Variants in SEMA3A observed in about 807,000 individuals in gnomAD.
SEMA3A encodes the protein semaphorin-3A.
In SEMA3A, 29 loss-of-function variants were observed where a neutral mutation model predicts 97.9. That is an observed-to-expected ratio of 0.30 (90% CI 0.22 to 0.40). The LOEUF (loss-of-function observed/expected upper bound fraction) is 0.40, where lower values mean the gene tolerates loss of function less well. Among genes scored for constraint, SEMA3A ranks in the 10% least tolerant of loss-of-function variants. SEMA3A has a pLI of 1.00. For missense variants in SEMA3A, 763 were observed against 951.3 expected (o/e 0.80, Z 2.60); for synonymous variants, 321 against 323.7 (o/e 0.99, Z 0.09).
At chr7:84,174,748 A>G (rs867367261) in intron 1 of SEMA3A, among the ~76,000 whole-genome samples, 3 of 152,202 alleles carry the variant, frequency 2.0e-5, no homozygotes, top group African/African-American at 7.2e-5. Context: ...TATAATTAGT[A>G]TTCTTGTAGT....
intron 6 of SEMA3A, among the ~76,000 whole-genome samples, chr7:84,044,273 C>G (rs1179544431): frequency 6.6e-6 from 1 of 151,848 alleles, no homozygotes. Flanking sequence ...TGGAGTTCTG[C>G]ACATGCTCTT....
chr7:84,001,881 G>A, intron 12 of SEMA3A, 74 bp downstream of exon 12: 1 of 1,000,760 alleles, frequency 1.0e-6, no homozygotes, highest in Non-Finnish European at 1.5e-6. Flanking sequence ...TCCATACCAA[G>A]TTCAGTGTGC....
At chr7:84,442,973 C>A (rs956091710) in intron 1 of SEMA3A, among the ~76,000 whole-genome samples, 2 of 151,500 alleles carry the variant, frequency 1.3e-5, no homozygotes, top group African/African-American at 2.4e-5. Context: ...ATATATGAAG[C>A]AAAAATTGAA....
At chr7:84,084,650 G>T (rs1794274145) in intron 4 of SEMA3A, among the ~76,000 whole-genome samples, 1 of 151,938 alleles carries the variant, frequency 6.6e-6, no homozygotes, top group Non-Finnish European at 1.5e-5. Flanking sequence ...TGGCTAATTT[G>T]AACTTGCAAG....
At chr7:84,425,413 CTATATTTATATGAATATAAATATAGGCA>C (rs1562943556) in intron 1 of SEMA3A, among the ~76,000 whole-genome samples, 3 of 125,386 alleles carry the variant, frequency 2.4e-5, no homozygotes, top group Admixed American at 9.1e-5. Context: ...AAATATATGC[CTATATTTATATGAATATAAATATAGGCA>C]TATATTTATA....
intron 1 of SEMA3A, among the ~76,000 whole-genome samples, chr7:84,411,435 T>C (rs1038032678): frequency 3.9e-5 from 6 of 152,088 alleles, no homozygotes; most frequent in Non-Finnish European, 7.4e-5. Flanking sequence ...ATTGATTCTA[T>C]GTCCTGTTAC....
At chr7:84,277,876 C>T (rs1346892907) in intron 3 of SEMA3A, among the ~76,000 whole-genome samples, 1 of 152,084 alleles carries the variant, frequency 6.6e-6, no homozygotes, top group Non-Finnish European at 1.5e-5. Flanking sequence ...TATTTGGCTT[C>T]CTTTTTGTTA....
In SEMA3A at chr7:84,303,614, T is replaced by C. The variant is rs184960811; in HGVS notation, c.-83+3593A>G. Among the ~76,000 whole-genome samples the C allele has an allele frequency of 5.3e-5, 8 of 152,184 alleles. No homozygotes were observed. The East Asian group carries it at 1.5e-3, about 29-fold the overall frequency. On this transcript the variant is annotated intron_variant, in intron 3 of 3. Coordinates refer to the SEMA3A transcript ENST00000424555. The stretch of plus-strand genomic sequence containing the variant: ...TCCCCGACCTGGCACTGGTTCAATT[T>C]AGAAATTTTTCAACTTCACAATGAT...
intron 12 of SEMA3A, among the ~76,000 whole-genome samples, chr7:83,987,699 CTT>C (rs1226673972): frequency 1.3e-5 from 2 of 152,210 alleles, no homozygotes; most frequent in African/African-American, 4.8e-5. Flanking sequence ...CAATGTTCCT[CTT>C]TCTCTCCTCT....
At chr7:84,285,112 G>A (rs912981237) in intron 3 of SEMA3A, among the ~76,000 whole-genome samples, 2 of 152,064 alleles carry the variant, frequency 1.3e-5, no homozygotes, top group African/African-American at 4.8e-5. Context: ...TTGTGGTGGT[G>A]GTCTTAAACA....
intron 1 of SEMA3A, among the ~76,000 whole-genome samples, chr7:84,393,085 A>G (rs771786612): frequency 2.6e-5 from 4 of 152,042 alleles, no homozygotes; most frequent in Non-Finnish European, 4.4e-5. Context: ...TTTGTTGCCT[A>G]TGCTTTGGGG....
intron 6 of SEMA3A, among the ~76,000 whole-genome samples, chr7:84,038,121 T>G (rs577451622): frequency 6.6e-6 from 1 of 152,116 alleles, no homozygotes; most frequent in Non-Finnish European, 1.5e-5. Flanking sequence ...GAAAAATGCT[T>G]TTTCTTTTTA....
chr7:83,969,359 A>T (rs1562945996), intron 15 of SEMA3A, among the ~76,000 whole-genome samples: 1 of 151,790 alleles, frequency 6.6e-6, no homozygotes, highest in Admixed American at 6.6e-5. Context: ...ATATTGCCAA[A>T]AAAAATCTCT....
intron 13 of SEMA3A, among the ~76,000 whole-genome samples, chr7:83,984,608 C>CTTTTTT (rs371082897): frequency 3.6e-4 from 36 of 98,878 alleles, no homozygotes; most frequent in East Asian, 1.1e-3. Context: ...GATTTTTCTG[C>CTTTTTT]TTTTTTTTTT....
intron 1 of SEMA3A, among the ~76,000 whole-genome samples, chr7:84,418,037 C>A (rs1028385307): frequency 6.6e-6 from 1 of 152,090 alleles, no homozygotes; most frequent in African/African-American, 2.4e-5. Context: ...GTCGCCTTGA[C>A]TGGATTGAGG....
chr7:84,232,522 A>G (rs915877606), intron 3 of SEMA3A, among the ~76,000 whole-genome samples: 17 of 151,570 alleles, frequency 1.1e-4, no homozygotes, highest in African/African-American at 4.1e-4. Flanking sequence ...GCTTGTACCC[A>G]ACAACTGAAG....
intron 3 of SEMA3A, among the ~76,000 whole-genome samples, chr7:84,206,019 T>C (rs899262625): frequency 5.9e-5 from 9 of 152,242 alleles, no homozygotes; most frequent in African/African-American, 1.4e-4. Context: ...CTTTTAGAAA[T>C]AGAGATGATT....
chr7:84,393,000 T>C (rs1420836032), intron 1 of SEMA3A, among the ~76,000 whole-genome samples: 1 of 152,176 alleles, frequency 6.6e-6, no homozygotes, highest in Non-Finnish European at 1.5e-5. Context: ...GGTTGTCTCT[T>C]CAACATTGTT....
At chr7:84,277,239 A>G (rs1294392850) in intron 3 of SEMA3A, among the ~76,000 whole-genome samples, 1 of 152,068 alleles carries the variant, frequency 6.6e-6, no homozygotes, top group South Asian at 2.1e-4. Context: ...AAATATTATT[A>G]GGCATGCATG....
Sources: allele counts gnomAD v4.1 joint callset (sites outside exome capture counted in the v4.1 genomes callset), GRCh38; gene constraint gnomAD v4.1.1; transcripts MANE v1.5; gene names NCBI Gene and HGNC (gene_info 2026-07-23, HGNC 2026-07-21).